Variants in FER observed in about 807,000 individuals in gnomAD.
FER encodes FER tyrosine kinase.
Under a neutral mutation model 111.0 loss-of-function variants are expected in FER, and 63 were observed. The ratio of observed to expected loss-of-function variants is 0.57; its 90% CI spans 0.46 to 0.70. FER has a LOEUF of 0.70. Ranked by LOEUF, FER falls within the 30% of genes least tolerant of loss-of-function variation. The probability of loss-of-function intolerance (pLI) is 0.00; values close to 1 mark genes in which losing one functional copy is unlikely to be tolerated. For missense variants in FER, 914 were observed against 954.0 expected, an observed-to-expected ratio of 0.96 and a Z score of 0.55; for synonymous variants, 327 against 313.9, an observed-to-expected ratio of 1.04 and a Z score of -0.44.
At chr5:108,932,756 G>A (rs1339369894) in intron 10 of FER, among the ~76,000 whole-genome samples, 2 of 151,420 alleles carry the variant, frequency 1.3e-5, no homozygotes, top group Non-Finnish European at 2.9e-5. Context: ...GTTTTGATTT[G>A]CATTTCTCTA....
Position 108,986,367 on chromosome 5 carries a change from T to G in FER, c.1656+27020T>G, listed in dbSNP as rs1344642336. ...TTAGTCCTTTTTCAGATGTATAGATTGTGAAGATTTTCTTCCACTCTATGT... is the reference window on the plus strand; with the variant it reads ...TTAGTCCTTTTTCAGATGTATAGATGGTGAAGATTTTCTTCCACTCTATGT... On this transcript the variant is annotated intron_variant, in intron 13 of 19. Transcript: ENST00000281092. Among the ~76,000 whole-genome samples, 17 of 152,062 alleles carry G rather than the reference T, an allele frequency of 1.1e-4. 1 individual carries two copies. Among genetic ancestry groups the G allele is most frequent in the Non-Finnish European group, 2.5e-4 (17 of 68,000 alleles).
intron 17 of FER, among the ~76,000 whole-genome samples, chr5:109,163,897 A>C (rs1756265183): frequency 6.6e-6 from 1 of 152,194 alleles, no homozygotes; most frequent in Non-Finnish European, 1.5e-5. Context: ...CAATAACTTC[A>C]TGGCAGTTTG....
chr5:109,140,590 A>G (rs1453350092), intron 17 of FER, among the ~76,000 whole-genome samples: 1 of 152,198 alleles, frequency 6.6e-6, no homozygotes, highest in Non-Finnish European at 1.5e-5. Flanking sequence ...AAAAATTACT[A>G]AATACAAAAG....
chr5:108,867,198 A>T (rs1764152785), intron 5 of FER, among the ~76,000 whole-genome samples: 1 of 152,144 alleles, frequency 6.6e-6, no homozygotes, highest in Non-Finnish European at 1.5e-5. Flanking sequence ...CACAGTTCCT[A>T]GTAGCGTTCA....
intron 3 of FER, among the ~76,000 whole-genome samples, chr5:108,818,440 A>G (rs1372248326): frequency 1.3e-5 from 2 of 152,094 alleles, no homozygotes; most frequent in Non-Finnish European, 2.9e-5. Flanking sequence ...ACTTTCTCCA[A>G]AAAAAAGATA....
At chr5:109,155,020 G>A (rs1582289709) in intron 17 of FER, among the ~76,000 whole-genome samples, 1 of 151,736 alleles carries the variant, frequency 6.6e-6, no homozygotes, top group South Asian at 2.1e-4. Context: ...CTATCATCTC[G>A]ATATGTACCC....
intron 2 of FER, chr5:108,785,295 A>G: frequency 1.8e-6 from 1 of 547,656 alleles, no homozygotes; most frequent in South Asian, 1.7e-5. Context: ...TATATGCCAG[A>G]TGGTGGGGGC....
chr5:109,088,612 C>T (rs1777822115), intron 16 of FER, among the ~76,000 whole-genome samples: 2 of 152,074 alleles, frequency 1.3e-5, no homozygotes, highest in African/African-American at 4.8e-5. Flanking sequence ...ATTTTTCTTA[C>T]ATAGCCAGTA....
intron 10 of FER, among the ~76,000 whole-genome samples, chr5:108,905,720 A>G (rs892840720): frequency 6.6e-6 from 1 of 152,192 alleles, no homozygotes; most frequent in Admixed American, 6.5e-5. Flanking sequence ...TTATACATTA[A>G]AACATTTTTT....
intron 13 of FER, among the ~76,000 whole-genome samples, chr5:109,015,566 T>C (rs530174982): frequency 5.3e-5 from 8 of 151,986 alleles, no homozygotes; most frequent in Non-Finnish European, 1.0e-4. Context: ...CAGTGGAGAC[T>C]GACAGGTAAA....
chr5:108,759,868 A>G (rs1470829995), intron 1 of FER, among the ~76,000 whole-genome samples: 2 of 152,250 alleles, frequency 1.3e-5, no homozygotes, highest in Non-Finnish European at 2.9e-5. Context: ...GAAGTTTTCA[A>G]TACATGAATT....
At chr5:109,006,388 G>C (rs373087383) in intron 13 of FER, among the ~76,000 whole-genome samples, 1 of 152,130 alleles carries the variant, frequency 6.6e-6, no homozygotes, top group African/African-American at 2.4e-5. Context: ...TTATAAACGG[G>C]AGTTCCTCTG....
At chr5:108,983,300 C>T (rs1475196067) in intron 13 of FER, among the ~76,000 whole-genome samples, 1 of 151,978 alleles carries the variant, frequency 6.6e-6, no homozygotes, top group Non-Finnish European at 1.5e-5. Flanking sequence ...ATACTTAGAC[C>T]ATAATTTAAC....
chr5:108,849,634 G>A (rs1762359755), intron 5 of FER, among the ~76,000 whole-genome samples: 2 of 152,048 alleles, frequency 1.3e-5, no homozygotes, highest in African/African-American at 4.8e-5. Flanking sequence ...TTGTCACCCA[G>A]TTCTAACATC....
chr5:108,981,385 A>G (rs1317064312), intron 13 of FER, among the ~76,000 whole-genome samples: 1 of 152,064 alleles, frequency 6.6e-6, no homozygotes, highest in African/African-American at 2.4e-5. Flanking sequence ...AAAAGCATAT[A>G]TACATATTTA....
In FER at chr5:108,910,814, A is replaced by G. The variant is rs555806831; in HGVS notation, c.1236+12966A>G. On this transcript the variant is annotated intron_variant, in intron 10 of 19. Transcript: ENST00000281092. ...GCTCCATCTAGTTGCTGCAAAGGAC[A>G]TTATTTCATTATTTTTTATGGCTGC... is the stretch of plus-strand genomic sequence containing the variant. Among the ~76,000 whole-genome samples the G allele has an allele frequency of 2.4e-4, 36 of 152,058 alleles. No individual in the cohort carries two copies. In the South Asian group the frequency reaches 7.1e-3, roughly 30 times the overall value.
intron 15 of FER, 77 bp from the exon 16 acceptor site, chr5:109,047,027 G>A: frequency 1.4e-6 from 1 of 736,258 alleles, no homozygotes; most frequent in Non-Finnish European, 2.2e-6. Context: ...TATTCTAGTT[G>A]TAAACCCTAT....
intron 5 of FER, among the ~76,000 whole-genome samples, chr5:108,840,499 A>G (rs1580812383): frequency 6.6e-6 from 1 of 151,558 alleles, no homozygotes; most frequent in Admixed American, 6.6e-5. Context: ...CTTTTCATCT[A>G]GAACAGTCCT....
At position 109,188,893 on chromosome 5, in the gene FER, A is replaced by T. The variant is rs987151800; in HGVS notation, c.*1318A>T. On this transcript the variant is annotated 3_prime_UTR_variant, in exon 20 of 20. Transcript: ENST00000281092. ...AGAATTTCATGATTCTAGTTCACCA[A>T]CACATTCACGTGTGTACATGCGCGT... 6.6e-6 allele frequency: 1 copy of T among 151,714 alleles called. No individual in the cohort carries two copies. Among genetic ancestry groups the T allele is most frequent in the African/African-American group, 2.4e-5 (1 of 41,270 alleles). The allele number at this position is 151,714 out of a possible 1,614,324, so 9.4% of individuals were successfully genotyped here.
Sources: gnomAD v4.1 joint callset for allele counts (sites outside exome capture counted in the v4.1 genomes callset) on GRCh38, gnomAD v4.1.1 for gene constraint, MANE v1.5 for transcripts, NCBI Gene and HGNC (gene_info 2026-07-23, HGNC 2026-07-21) for gene names.